Variants in MYO5B observed in about 807,000 individuals in gnomAD.
The protein encoded by MYO5B is myosin VB, also known as unconventional myosin-Vb.
A neutral mutation model predicts 229.3 loss-of-function variants in MYO5B; 143 were observed. The ratio of observed to expected loss-of-function variants is 0.62; its 90% CI spans 0.54 to 0.72. The LOEUF is 0.72. MYO5B is among the 30% of genes least tolerant of loss of function. The probability of loss-of-function intolerance (pLI) is 0.00; values close to 1 mark genes in which losing one functional copy is unlikely to be tolerated. For missense variants in MYO5B, 2,321 were observed against 2,331.0 expected (o/e 1.00, Z 0.09); for synonymous variants, 918 against 885.2 (o/e 1.04, Z -0.66).
Position 49,866,170 on chromosome 18 carries a change from G to A in MYO5B, c.3604-1790C>T, listed in dbSNP as rs1045440458. Among the ~76,000 whole-genome samples, 6 of 152,186 alleles carry A rather than the reference G, an allele frequency of 3.9e-5. No individual in the cohort carries two copies. The South Asian group carries it at 6.2e-4, about 16-fold the overall frequency. On this transcript the variant is annotated intron_variant, in intron 27 of 39. Coordinates refer to ENST00000285039, the MANE Select transcript of MYO5B (RefSeq NM_001080467.3). ...TGCAAGCTCCGCCTCCCAGGTTCAC[G>A]CCATTCTCCTGCTTCAGCCTCCCGA...
chr18:49,962,480 G>T, intron 11 of MYO5B, 74 bp from the exon 12 acceptor site: 1 of 1,595,514 alleles, frequency 6.3e-7, no homozygotes, highest in Middle Eastern at 1.7e-4. Context: ...GGGGCTCAGT[G>T]AGTTCTGGGT....
rs1006605422 is a variant in MYO5B at position 49,974,750 on chromosome 18, A to G, written c.1057-135T>C. 6.1e-6 allele frequency: 5 copies of G among 816,364 alleles called. No individual in the cohort carries two copies. In the African/African-American group the frequency reaches 7.7e-5, roughly 13 times the overall value. 50.6% of individuals were successfully genotyped at this position (816,364 alleles called of 1,614,324 possible). On this transcript the variant is annotated intron_variant, in intron 9 of 39. Transcript: ENST00000285039. Reference sequence around the variant, plus strand: ...TCCCAGCCCTCCAGAATCCCAGCACATGCCCTGCTGCCAGCCCAGCAGTCT... The same window carrying G: ...TCCCAGCCCTCCAGAATCCCAGCACGTGCCCTGCTGCCAGCCCAGCAGTCT...
Position 49,856,873 on chromosome 18 carries a change from C to T in MYO5B, c.3962G>A (p.Gly1321Glu), listed in dbSNP as rs1942418. Reference sequence around the variant, plus strand: ...GAGTTCTCCATCTTCATTTAAATATCCCCAATCCTCAGTCTTGCTAGAAAC... The same window carrying T: ...GAGTTCTCCATCTTCATTTAAATATTCCCAATCCTCAGTCTTGCTAGAAAC... ...CQTNSKTEDW[G>E]YLNEDGELGL... The change falls in exon 30 of 40, where the codon GGA becomes GAA. Residue 1321 changes from glycine to glutamate, a missense_variant. By Grantham distance (98) the Gly-to-Glu change is moderately conservative (BLOSUM62 -2). Transcript: ENST00000285039. The T allele has an allele frequency of 0.072, 116,634 of 1,613,512 alleles. 9,225 individuals are homozygous for T. The highest frequency in any genetic ancestry group is 0.35 in the East Asian group (15,850 of 44,868).
intron 1 of MYO5B, among the ~76,000 whole-genome samples, chr18:50,102,959 AAGG>A (rs1315143710): frequency 6.6e-6 from 1 of 152,062 alleles, no homozygotes; most frequent in Non-Finnish European, 1.5e-5. Context: ...CCTTCCCCCA[AAGG>A]AGAAGAGTAG....
intron 13 of MYO5B, 65 bp downstream of exon 13, chr18:49,954,248 G>C: frequency 1.3e-6 from 2 of 1,598,934 alleles, no homozygotes; most frequent in South Asian, 2.2e-5. Context: ...TCTAGGTCTA[G>C]AGCCCATTGA....
chr18:50,030,452 G>C (rs1277184730), intron 4 of MYO5B, among the ~76,000 whole-genome samples: 2 of 152,028 alleles, frequency 1.3e-5, no homozygotes, highest in Non-Finnish European at 2.9e-5. Context: ...GGACACTTTT[G>C]GCTTTTTCAC....
chr18:49,859,179 T>C (rs1033041411), intron 29 of MYO5B, among the ~76,000 whole-genome samples: 1 of 152,190 alleles, frequency 6.6e-6, no homozygotes, highest in African/African-American at 2.4e-5. Flanking sequence ...CCCGGGCTAA[T>C]CACCTCCACG....
chr18:50,051,847 A>T (rs73959850), intron 2 of MYO5B, among the ~76,000 whole-genome samples: 26,376 of 152,144 alleles, frequency 0.17, 2,352 homozygotes, highest in South Asian at 0.23. Flanking sequence ...CAGAGTAGAA[A>T]GGAGGTTTCC....
In MYO5B at chr18:49,872,197, C is replaced by T. The variant is rs745654512; in HGVS notation, c.3573G>A (p.Pro1191=). The T allele has an allele frequency of 1.5e-5, 25 of 1,613,970 alleles. No individual in the cohort carries two copies. The highest frequency in any genetic ancestry group is 1.5e-4 in the African/African-American group (11 of 74,912). Residue 1191 remains proline, a synonymous_variant, in exon 27 of 40, where the codon CCG becomes CCA. Transcript: ENST00000285039. ...EPPQTDIDLD[P]NADLAYNSLK... ...GACTATTGTAGGCCAGATCTGCATT[C>T]GGGTCCAAATCTATGTCAGTCTGTG...
intron 2 of MYO5B, among the ~76,000 whole-genome samples, chr18:50,048,506 G>C (rs989048286): frequency 6.6e-6 from 1 of 152,154 alleles, no homozygotes; most frequent in Non-Finnish European, 1.5e-5. Flanking sequence ...GGCAGAGGAA[G>C]AGAAGGGCAC....
intron 1 of MYO5B, among the ~76,000 whole-genome samples, chr18:50,123,553 C>A (rs2032105953): frequency 6.6e-6 from 1 of 151,960 alleles, no homozygotes; most frequent in African/African-American, 2.4e-5. Flanking sequence ...ATAGCAAAAA[C>A]CCATCTCTGC....
chr18:49,911,857 G>A (rs945570174), intron 18 of MYO5B, among the ~76,000 whole-genome samples: 1 of 152,124 alleles, frequency 6.6e-6, no homozygotes, highest in African/African-American at 2.4e-5. Context: ...CTGCTGAGCT[G>A]TAAAAAAGGT....
intron 4 of MYO5B, among the ~76,000 whole-genome samples, chr18:50,004,813 A>C (rs1464782345): frequency 6.6e-6 from 1 of 152,336 alleles, no homozygotes; most frequent in South Asian, 2.1e-4. Flanking sequence ...CTATTCTGTA[A>C]CAGCCTACAA....
chr18:50,037,123 C>A, intron 3 of MYO5B, 129 bp from the exon 4 acceptor site: 1 of 972,290 alleles, frequency 1.0e-6, no homozygotes, highest in Non-Finnish European at 1.6e-6. Context: ...CCAGTCTTAA[C>A]CAATCAATCA....
chr18:49,985,322 T>C (rs753453815), intron 7 of MYO5B, among the ~76,000 whole-genome samples: 1 of 152,218 alleles, frequency 6.6e-6, no homozygotes, highest in Non-Finnish European at 1.5e-5. Flanking sequence ...TCTGGGCACA[T>C]GCACAAATGC....
At chr18:50,042,660 G>C (rs929293297) in intron 2 of MYO5B, among the ~76,000 whole-genome samples, 25 of 152,052 alleles carry the variant, frequency 1.6e-4, no homozygotes, top group Admixed American at 4.6e-4. Flanking sequence ...ACTGTTCCTG[G>C]TATTAGCAGG....
chr18:49,877,925 T>A, intron 24 of MYO5B, 43 bp from the exon 25 acceptor site: 1 of 1,612,672 alleles, frequency 6.2e-7, no homozygotes. Flanking sequence ...GGAACTAATG[T>A]TCATGAGAAT....
chr18:49,952,558 T>C (rs2025441630), intron 14 of MYO5B, among the ~76,000 whole-genome samples: 1 of 152,208 alleles, frequency 6.6e-6, no homozygotes, highest in African/African-American at 2.4e-5. Flanking sequence ...TCTGTCTTGC[T>C]CATCTTTGTG....
At chr18:49,839,095 C>T in intron 36 of MYO5B, 49 bp downstream of exon 36, 4 of 1,610,372 alleles carry the variant, frequency 2.5e-6, no homozygotes, top group Non-Finnish European at 3.4e-6. Flanking sequence ...GCCTTCCCCT[C>T]ATTTCAGACA....
Sources: allele counts gnomAD v4.1 joint callset (sites outside exome capture counted in the v4.1 genomes callset), GRCh38; gene constraint gnomAD v4.1.1; transcripts MANE v1.5; gene names NCBI Gene and HGNC (gene_info 2026-07-23, HGNC 2026-07-21).